LMF1: variants seen among roughly 807,000 people sequenced by gnomAD.
LMF1 encodes transmembrane protein 112.
In LMF1, 68 loss-of-function variants were observed where a neutral mutation model predicts 60.6. The observed-to-expected ratio is 1.12, with a 90% CI of 0.92 to 1.37. The LOEUF (loss-of-function observed/expected upper bound fraction) is 1.37, where lower values mean the gene tolerates loss of function less well. Among genes scored for constraint, LMF1 ranks in the 40% most tolerant of loss-of-function variants. The pLI is 0.00. For synonymous variants in LMF1, 418 were observed against 324.7 expected (o/e 1.29, Z -3.09); for missense variants, 948 against 767.2 (o/e 1.24, Z -2.78).
chr16:868,668 C>T (rs1240798533), intron 10 of LMF1, among the ~76,000 whole-genome samples: 6 of 151,982 alleles, frequency 3.9e-5, no homozygotes, highest in African/African-American at 2.4e-5. Flanking sequence ...GCCGGGGTCA[C>T]CCTGCCCAGA....
chr16:871,278 C>A lies in LMF1; in HGVS notation c.961G>T (p.Ala321Ser). The change falls in exon 7 of 11, where the codon GCC becomes TCC. Residue 321 changes from alanine to serine, a missense_variant. Transcript: ENST00000262301. ...LNWLTMVPSL[A>S]CFDDATLGFL... is the part of the protein sequence containing the mutation. ...CCCAGGGTGGCGTCATCAAAGCAGG[C>A]CAGGCTGGGCACCATAGTCAGCCAG... 2 of 1,612,550 alleles carry A rather than the reference C, an allele frequency of 1.2e-6. No individual in the cohort carries two copies. The highest frequency in any genetic ancestry group is 1.7e-6 in the Non-Finnish European group (2 of 1,179,812).
intron 10 of LMF1, among the ~76,000 whole-genome samples, chr16:866,551 G>A (rs929133368): frequency 1.3e-5 from 2 of 152,102 alleles, no homozygotes; most frequent in Non-Finnish European, 2.9e-5. Flanking sequence ...CCACAGAAGC[G>A]GGGGATCCTT....
intron 1 of LMF1, among the ~76,000 whole-genome samples, chr16:955,939 G>A (rs71384620): frequency 0.11 from 6,282 of 56,390 alleles, 56 homozygotes; most frequent in African/African-American, 0.28. Flanking sequence ...GTCTCACGGC[G>A]CCCACCCCAC....
intron 5 of LMF1, among the ~76,000 whole-genome samples, chr16:886,277 G>A (rs938423476): frequency 6.6e-6 from 1 of 152,122 alleles, no homozygotes; most frequent in Non-Finnish European, 1.5e-5. Context: ...TTGGCTGCGT[G>A]GGTAGAACAG....
chr16:866,315 C>T (rs920090322), intron 10 of LMF1, among the ~76,000 whole-genome samples: 2 of 152,170 alleles, frequency 1.3e-5, no homozygotes, highest in African/African-American at 4.8e-5. Context: ...CTCCAGTGGA[C>T]GCATTGGGAG....
At chr16:975,571 T>C (rs1353918160), upstream of LMF1, among the ~76,000 whole-genome samples, 1 of 152,238 alleles carries the variant, frequency 6.6e-6, no homozygotes, top group Non-Finnish European at 1.5e-5. Flanking sequence ...AAGGCTGAGC[T>C]GGGCCTGTGC....
chr16:860,065 C>T (rs1175979774), intron 10 of LMF1, among the ~76,000 whole-genome samples: 3 of 142,512 alleles, frequency 2.1e-5, no homozygotes, highest in Non-Finnish European at 4.4e-5. Flanking sequence ...TTTGGTGAAA[C>T]GTCTCTGTGC....
rs761300301 is a variant in LMF1, at chr16:869,842, G to A, written c.1416+41C>T. The A allele has an allele frequency of 1.9e-5, 30 of 1,587,816 alleles. No individual in the cohort carries two copies. In the South Asian group the frequency reaches 3.0e-4, roughly 16 times the overall value. ...CCATCTATGGGCAGAAGAGGGTGGG[G>A]TACAGGCAGGTCCATGCGCCCGCCA... On this transcript the variant is annotated intron_variant, in intron 9 of 10. Transcript: ENST00000262301.
At chr16:869,823 A>G (rs2069723623) in intron 9 of LMF1, 60 bp downstream of exon 9, 4 of 1,534,172 alleles carry the variant, frequency 2.6e-6, no homozygotes, top group Admixed American at 3.7e-5. Context: ...CCTGCCATCT[A>G]TGGGCAGAAG....
chr16:931,636 T>C, intron 3 of LMF1: 2 of 1,286,236 alleles, frequency 1.6e-6, no homozygotes, highest in Non-Finnish European at 2.0e-6. Context: ...GCACCCGGAG[T>C]CATACCTCAG....
chr16:884,407 A>G (rs1411253973), intron 5 of LMF1, among the ~76,000 whole-genome samples: 1 of 152,256 alleles, frequency 6.6e-6, no homozygotes, highest in Non-Finnish European at 1.5e-5. Flanking sequence ...AGTAGAGTAC[A>G]ATCTTTAAAG....
intron 3 of LMF1, among the ~76,000 whole-genome samples, chr16:921,500 C>A (rs907406959): frequency 1.3e-5 from 2 of 152,242 alleles, no homozygotes; most frequent in African/African-American, 4.8e-5. Context: ...AAACGCTCCA[C>A]GCGTTCTCAC....
rs565176277 is a variant in LMF1, at chr16:882,900, C to T, written c.730-3163G>A. 1.9e-4 allele frequency among the ~76,000 whole-genome samples: 29 copies of T among 151,278 alleles called. No individual in the cohort carries two copies. In the South Asian group the frequency reaches 6.1e-3, roughly 32 times the overall value. On this transcript the variant is annotated intron_variant, in intron 5 of 10. Coordinates refer to ENST00000262301, the MANE Select transcript of LMF1 (RefSeq NM_022773.4). ...AGAAAGAGGAGCCACCCAGCGGAGC[C>T]CATCGCAGGACCAGGAGAAAGAGGA...
chr16:897,972 T>A lies in LMF1; in HGVS notation c.664-4900A>T, dbSNP rs1173724799. On this transcript the variant is annotated intron_variant, in intron 4 of 10. Coordinates refer to ENST00000262301, the MANE Select transcript of LMF1 (RefSeq NM_022773.4). This position sits in a 1 kb window ranked among gnomAD's most constrained non-coding sequence, Gnocchi z 4.3. ...CCAGGAGCTGTGTACATGGCAGGCA[T>A]CCTCTGCGTGGTGGGCGCCTTCTGC... 6.6e-6 allele frequency among the ~76,000 whole-genome samples: 1 copy of A among 152,214 alleles called. No individual in the cohort carries two copies. Among genetic ancestry groups the A allele is most frequent in the Non-Finnish European group, 1.5e-5 (1 of 68,028 alleles).
At position 854,313 on chromosome 16, in the gene LMF1, G is replaced by T. The variant is rs1421983223; in HGVS notation, c.*219C>A. On this transcript the variant is annotated 3_prime_UTR_variant, in exon 11 of 11. Coordinates refer to ENST00000262301, the MANE Select transcript of LMF1 (RefSeq NM_022773.4). ...CAGAGCCCCTGGCGCCTGGGACAAGGGTTGGCCTGGATGTGGGGCCCCAGG... is the reference window on the plus strand; with the variant it reads ...CAGAGCCCCTGGCGCCTGGGACAAGTGTTGGCCTGGATGTGGGGCCCCAGG... 1 of 693,518 alleles carries T rather than the reference G, an allele frequency of 1.4e-6. No homozygotes were observed. Among genetic ancestry groups the T allele is most frequent in the Admixed American group, 2.0e-5 (1 of 49,638 alleles). 43.0% of individuals were successfully genotyped at this position (693,518 alleles called of 1,614,324 possible).
intron 3 of LMF1, among the ~76,000 whole-genome samples, chr16:920,306 C>T (rs78454199): frequency 0.012 from 1,885 of 152,356 alleles, 22 homozygotes; most frequent in South Asian, 0.097. Flanking sequence ...CACCACACCC[C>T]AAGCGCTGGC....
chr16:981,262 G>C (rs1214220046), exon 1 of LMF1: 2 of 454,714 alleles, frequency 4.4e-6, no homozygotes, highest in Admixed American at 2.4e-5. Context: ...CTGCGGGCGA[G>C]ACCTCAGGCG....
At chr16:940,945 T>A (rs952661813) in intron 2 of LMF1, among the ~76,000 whole-genome samples, 1 of 152,214 alleles carries the variant, frequency 6.6e-6, no homozygotes, top group Non-Finnish European at 1.5e-5. Context: ...TTCCTGGAGT[T>A]CTGCAATTTT....
intron 3 of LMF1, among the ~76,000 whole-genome samples, chr16:917,590 G>A (rs1277149822): frequency 6.6e-6 from 1 of 152,240 alleles, no homozygotes; most frequent in Non-Finnish European, 1.5e-5. Flanking sequence ...TGCCGTTCTA[G>A]GGGCTTGTCC....
Sources: allele counts gnomAD v4.1 joint callset (sites outside exome capture counted in the v4.1 genomes callset), GRCh38; gene constraint gnomAD v4.1.1; non-coding constraint Gnocchi (gnomAD v3.1); transcripts MANE v1.5; gene names NCBI Gene and HGNC (gene_info 2026-07-23, HGNC 2026-07-21).